Variants in SNTG1 observed in about 807,000 individuals in gnomAD.
SNTG1 encodes the protein syntrophin gamma 1.
SNTG1 carries 39 observed loss-of-function variants against 74.7 expected under a neutral mutation model. The observed-to-expected ratio is 0.52, with a 90% CI of 0.40 to 0.68. The LOEUF (loss-of-function observed/expected upper bound fraction) is 0.68. Among genes scored for constraint, SNTG1 ranks in the 30% least tolerant of loss-of-function variants. The pLI is 0.00. For synonymous variants in SNTG1, 254 were observed against 217.1 expected (o/e 1.17, Z -1.49); for missense variants, 685 against 609.5 (o/e 1.12, Z -1.30).
intron 2 of SNTG1, among the ~76,000 whole-genome samples, chr8:50,176,464 C>T (rs1235761062): frequency 6.6e-6 from 1 of 152,186 alleles, no homozygotes; most frequent in African/African-American, 2.4e-5. Flanking sequence ...TGAATTCATT[C>T]TGACTGGGAC....
In SNTG1 at chr8:50,271,203, G is replaced by A. The variant is rs554044001; in HGVS notation, c.-28+98568G>A. Reference sequence around the variant, plus strand: ...TGTTATTAAAAATATGTCAGCTTTTGGTATATCATCCCTAACCCTTTCAGA... The same window carrying A: ...TGTTATTAAAAATATGTCAGCTTTTAGTATATCATCCCTAACCCTTTCAGA... On this transcript the variant is annotated intron_variant, in intron 2 of 18. Transcript: ENST00000642720. Among the ~76,000 whole-genome samples, 39 of 152,138 alleles carry A rather than the reference G, an allele frequency of 2.6e-4. 1 individual carries two copies. The East Asian group carries it at 7.2e-3, about 28-fold the overall frequency.
chr8:50,714,088 G>A (rs1262288183), intron 17 of SNTG1, among the ~76,000 whole-genome samples: 3 of 151,560 alleles, frequency 2.0e-5, no homozygotes, highest in Admixed American at 2.0e-4. Context: ...GGTGGGGGGA[G>A]GGAATCCTTT....
intron 1 of SNTG1, among the ~76,000 whole-genome samples, chr8:49,919,113 T>C (rs573173647): frequency 6.6e-6 from 1 of 152,208 alleles, no homozygotes; most frequent in South Asian, 2.1e-4. Flanking sequence ...TTTCTGTCTG[T>C]CTCTTTTCTC....
At chr8:50,033,654 T>A (rs1563500669) in intron 1 of SNTG1, among the ~76,000 whole-genome samples, 1 of 152,150 alleles carries the variant, frequency 6.6e-6, no homozygotes, top group Admixed American at 6.5e-5. Context: ...TCATGTGATT[T>A]TTTTTCTCTG....
intron 2 of SNTG1, among the ~76,000 whole-genome samples, chr8:50,207,637 A>G (rs996928701): frequency 5.9e-4 from 90 of 151,790 alleles, no homozygotes; most frequent in African/African-American, 2.0e-3. Flanking sequence ...TTGCTTCTCT[A>G]GTTCTTTTAG....
chr8:50,164,649 C>T (rs979394183), intron 1 of SNTG1, among the ~76,000 whole-genome samples: 2 of 152,156 alleles, frequency 1.3e-5, no homozygotes, highest in African/African-American at 2.4e-5. Flanking sequence ...TCTTTCCCTG[C>T]TACATTCACA....
chr8:50,206,908 G>A (rs2084269094), intron 2 of SNTG1, among the ~76,000 whole-genome samples: 1 of 152,156 alleles, frequency 6.6e-6, no homozygotes, highest in African/African-American at 2.4e-5. Flanking sequence ...TCATCCTAGG[G>A]ATGAAGCCAA....
intron 1 of SNTG1, among the ~76,000 whole-genome samples, chr8:50,054,206 C>A (rs1819829576): frequency 6.6e-6 from 1 of 152,074 alleles, no homozygotes; most frequent in African/African-American, 2.4e-5. Context: ...CACGACTCAT[C>A]TTTCCCAAAT....
In SNTG1 at chr8:50,769,928, G is replaced by A. The variant is rs908858201; in HGVS notation, c.1395+17817G>A. Among the ~76,000 whole-genome samples, 4 of 152,078 alleles carry A rather than the reference G, an allele frequency of 2.6e-5. No individual in the cohort carries two copies. The South Asian group carries it at 8.3e-4, about 31-fold the overall frequency. ...AAGCAGTTTAGCAGAGATAGGCAATGTAATAAGTTTCTATTTTTATTTGCC... is the reference window on the plus strand; with the variant it reads ...AAGCAGTTTAGCAGAGATAGGCAATATAATAAGTTTCTATTTTTATTTGCC... On this transcript the variant is annotated intron_variant, in intron 18 of 18. Coordinates refer to ENST00000642720, the MANE Select transcript of SNTG1 (RefSeq NM_018967.5).
rs2081082376 is a variant in SNTG1, at chr8:50,124,480, A to G, written c.-102-48081A>G. Among the ~76,000 whole-genome samples the G allele has an allele frequency of 1.4e-5, 2 of 142,578 alleles. 1 individual carries two copies. Among genetic ancestry groups the G allele is most frequent in the Admixed American group, 1.4e-4 (2 of 13,864 alleles). The allele number at this position is 142,578 out of a possible 152,430, so 93.5% of individuals were successfully genotyped here. ...TTTTTAATAGACTGTGTAAAATAGT[A>G]TTTGTCTGATACTTCTAAATTATAA... On this transcript the variant is annotated intron_variant, in intron 1 of 18. Coordinates refer to ENST00000642720, the MANE Select transcript of SNTG1 (RefSeq NM_018967.5).
chr8:50,476,114 A>G (rs903157179), intron 8 of SNTG1, among the ~76,000 whole-genome samples: 6 of 152,140 alleles, frequency 3.9e-5, no homozygotes, highest in African/African-American at 1.2e-4. Flanking sequence ...TGACTGTCAT[A>G]GTATCTCAGT....
intron 1 of SNTG1, among the ~76,000 whole-genome samples, chr8:50,051,239 G>GACACACACACACAC (rs145739550): frequency 1.6e-4 from 23 of 147,222 alleles, no homozygotes; most frequent in South Asian, 1.1e-3. Context: ...AGAAAATCTT[G>GACACACACACACAC]ACACACACAC....
intron 2 of SNTG1, among the ~76,000 whole-genome samples, chr8:50,216,100 C>G (rs1213108084): frequency 6.6e-6 from 1 of 152,104 alleles, no homozygotes; most frequent in East Asian, 1.9e-4. Flanking sequence ...GGCTTGGACA[C>G]CTGTCATTCC....
intron 13 of SNTG1, among the ~76,000 whole-genome samples, chr8:50,626,209 C>T (rs182180946): frequency 3.9e-5 from 6 of 152,236 alleles, no homozygotes; most frequent in African/African-American, 1.4e-4. Context: ...CTATGAATTT[C>T]TTCTTGGAAT....
chr8:50,498,932 AATTAT>A (rs1314947318), intron 8 of SNTG1, among the ~76,000 whole-genome samples: 6 of 151,710 alleles, frequency 4.0e-5, no homozygotes, highest in Non-Finnish European at 5.9e-5. Flanking sequence ...ATATTATATT[AATTAT>A]ATTACATTAT....
At chr8:50,233,338 G>A (rs10102748) in intron 2 of SNTG1, among the ~76,000 whole-genome samples, 17 of 151,508 alleles carry the variant, frequency 1.1e-4, no homozygotes, top group African/African-American at 3.9e-4. Flanking sequence ...AATGGTGCTG[G>A]TAACAATTGG....
intron 1 of SNTG1, among the ~76,000 whole-genome samples, chr8:49,996,541 A>G (rs781053545): frequency 6.6e-6 from 1 of 152,152 alleles, no homozygotes; most frequent in African/African-American, 2.4e-5. Context: ...GAATAAGGAC[A>G]AGCTTAAAAT....
chr8:50,129,695 C>T (rs1237285268), intron 1 of SNTG1, among the ~76,000 whole-genome samples: 2 of 152,108 alleles, frequency 1.3e-5, no homozygotes, highest in East Asian at 3.9e-4. Context: ...AGATTAAGAA[C>T]AACCAAACAT....
At chr8:50,080,717 A>C (rs2131075018) in intron 1 of SNTG1, among the ~76,000 whole-genome samples, 1 of 152,290 alleles carries the variant, frequency 6.6e-6, no homozygotes, top group Non-Finnish European at 1.5e-5. Context: ...GCTGCAACTG[A>C]TCAATTTGTT....
Sources: gnomAD v4.1 joint callset for allele counts (sites outside exome capture counted in the v4.1 genomes callset) on GRCh38, gnomAD v4.1.1 for gene constraint, MANE v1.5 for transcripts, NCBI Gene and HGNC (gene_info 2026-07-23, HGNC 2026-07-21) for gene names.